The following FIG4 variants were observed in gnomAD, a reference collection of about 807,000 sequenced individuals.
The protein encoded by FIG4 is polyphosphoinositide phosphatase.
Under a neutral mutation model 118.6 loss-of-function variants are expected in FIG4, and 112 were observed. That is an observed-to-expected ratio of 0.94 (90% CI 0.81 to 1.11). The LOEUF (loss-of-function observed/expected upper bound fraction) is 1.11. Ranked by LOEUF, FIG4 falls within the 50% of genes least tolerant of loss-of-function variation. The pLI is 0.00. For missense variants in FIG4, 969 were observed against 1,111.7 expected, an observed-to-expected ratio of 0.87 and a Z score of 1.83; for synonymous variants, 369 against 381.2, an observed-to-expected ratio of 0.97 and a Z score of 0.37.
At chr6:109,701,668 A>C (rs1189640751) in intron 1 of FIG4, 1 of 471,026 alleles carries the variant, frequency 2.1e-6, no homozygotes, top group East Asian at 6.9e-5. Flanking sequence ...AAAGGATTTA[A>C]GGAAGCTCCC....
At chr6:109,767,573 G>T (rs1000524774) in intron 15 of FIG4, among the ~76,000 whole-genome samples, 1 of 152,160 alleles carries the variant, frequency 6.6e-6, no homozygotes, top group Non-Finnish European at 1.5e-5. Context: ...GAGAAGATTA[G>T]TAAAGAGGTC....
At position 109,743,546 on chromosome 6, in the gene FIG4, A is replaced by ACTT. The variant is rs1776389687; in HGVS notation, c.1040-129_1040-128insCTT. 4.0e-6 allele frequency: 3 copies of ACTT among 749,284 alleles called. No individual in the cohort carries two copies. In the South Asian group the frequency reaches 4.4e-5, roughly 11 times the overall value. The allele number at this position is 749,284 out of a possible 1,614,324, so 46.4% of individuals were successfully genotyped here. ...ATAAGTGTCTAGTGAGCATCTTAAG[A>ACTT]AGGATTTGGGAAGTGAAACTATTGA... On this transcript the variant is annotated intron_variant, in intron 9 of 22. Transcript: ENST00000230124.
intron 10 of FIG4, among the ~76,000 whole-genome samples, chr6:109,751,235 T>C (rs1027190835): frequency 2.6e-5 from 4 of 152,204 alleles, no homozygotes; most frequent in Non-Finnish European, 4.4e-5. Flanking sequence ...ATAATGAAAA[T>C]GGCAAATTTT....
At chr6:109,800,997 G>A (rs868602614) in intron 22 of FIG4, among the ~76,000 whole-genome samples, 4 of 152,174 alleles carry the variant, frequency 2.6e-5, no homozygotes, top group African/African-American at 4.8e-5. Flanking sequence ...CACTATATTC[G>A]TGCAAGACCA....
intron 1 of FIG4, among the ~76,000 whole-genome samples, chr6:109,712,942 C>T (rs566312388): frequency 5.9e-5 from 9 of 151,838 alleles, no homozygotes; most frequent in East Asian, 5.8e-4. Flanking sequence ...CTTAAGGGTT[C>T]GATTGTGGGA....
At chr6:109,787,666 C>A (rs753482497) in intron 18 of FIG4, among the ~76,000 whole-genome samples, 10 of 152,126 alleles carry the variant, frequency 6.6e-5, no homozygotes, top group Non-Finnish European at 1.5e-4. Context: ...GTCATAGTTT[C>A]CAAGAACCTA....
intron 16 of FIG4, among the ~76,000 whole-genome samples, chr6:109,782,545 A>AT (rs912718531): frequency 2.6e-5 from 4 of 152,140 alleles, no homozygotes; most frequent in Non-Finnish European, 4.4e-5. Context: ...GTTAAAACAC[A>AT]TTTTTTGTAA....
intron 22 of FIG4, among the ~76,000 whole-genome samples, chr6:109,809,738 A>G (rs1407610175): frequency 6.6e-6 from 1 of 152,178 alleles, no homozygotes; most frequent in Non-Finnish European, 1.5e-5. Flanking sequence ...CTCTTTTTAA[A>G]GGGTTCTATC....
chr6:109,786,364 A>G lies in FIG4; in HGVS notation c.2011A>G (p.Ile671Val), dbSNP rs1554307877. Reference sequence around the variant, plus strand: ...GAAATTCCACAAATATGAAGAAGAGATTGATATCCACAATGAGTTCTTTCG... The same window carrying G: ...GAAATTCCACAAATATGAAGAAGAGGTTGATATCCACAATGAGTTCTTTCG... ...VKKFHKYEEE[I>V]DIHNEFFRPY... Residue 671 changes from isoleucine to valine, a missense_variant, in exon 18 of 23, where the codon ATT (isoleucine) becomes GTT (valine). Ile to Val is a conservative substitution (Grantham distance 29). Around this residue, in one of 3 missense-constraint regions of FIG4, gnomAD observed 330 missense variants for 348.1 expected, o/e 0.95. Coordinates refer to ENST00000230124, the MANE Select transcript of FIG4 (RefSeq NM_014845.6). 6.2e-7 allele frequency: 1 copy of G among 1,613,814 alleles called. No individual in the cohort carries two copies. The highest frequency in any genetic ancestry group is 8.5e-7 in the Non-Finnish European group (1 of 1,179,682).
At chr6:109,772,623 T>G (rs995433251) in intron 15 of FIG4, among the ~76,000 whole-genome samples, 1 of 151,976 alleles carries the variant, frequency 6.6e-6, no homozygotes, top group Non-Finnish European at 1.5e-5. Flanking sequence ...CCTGGCTGAT[T>G]TTTATTTTTA....
intron 8 of FIG4, among the ~76,000 whole-genome samples, chr6:109,742,327 A>G (rs1215430743): frequency 6.6e-6 from 1 of 152,036 alleles, no homozygotes; most frequent in African/African-American, 2.4e-5. Flanking sequence ...TTTTCTGTTC[A>G]TCGCTAGGAA....
intron 10 of FIG4, among the ~76,000 whole-genome samples, chr6:109,752,922 T>C (rs1194280339): frequency 1.3e-5 from 2 of 152,220 alleles, no homozygotes; most frequent in Non-Finnish European, 2.9e-5. Context: ...CCCATGCCTA[T>C]GTCCTGAATG....
chr6:109,728,713 G>A (rs138411186), intron 4 of FIG4, among the ~76,000 whole-genome samples: 3 of 152,222 alleles, frequency 2.0e-5, no homozygotes, highest in African/African-American at 7.2e-5. Flanking sequence ...CCTTTGTCTT[G>A]CACTAACTGA....
intron 22 of FIG4, among the ~76,000 whole-genome samples, chr6:109,802,256 T>G (rs1410335060): frequency 6.6e-6 from 1 of 152,208 alleles, no homozygotes; most frequent in Non-Finnish European, 1.5e-5. Flanking sequence ...ATTTTTGCCT[T>G]CCTTTCGCTT....
intron 10 of FIG4, among the ~76,000 whole-genome samples, chr6:109,757,847 C>T (rs144599336): frequency 1.1e-3 from 161 of 152,298 alleles, no homozygotes; most frequent in African/African-American, 3.8e-3. Flanking sequence ...CATGAATGAA[C>T]TCCCATTCAG....
At chr6:109,734,500 AC>A (rs143007013) in intron 5 of FIG4, among the ~76,000 whole-genome samples, 10,641 of 150,584 alleles carry the variant, frequency 0.071, 551 homozygotes, top group Non-Finnish European at 0.12. Context: ...ATATATAGAT[AC>A]TTTTAAAATA....
chr6:109,732,941 A>G (rs534383201), intron 5 of FIG4, among the ~76,000 whole-genome samples: 1 of 152,256 alleles, frequency 6.6e-6, no homozygotes, highest in South Asian at 2.1e-4. Context: ...AATGTATTTT[A>G]AAGAAATATT....
In FIG4 at chr6:109,727,267, T is replaced by C. The variant is rs1775850515; in HGVS notation, c.446+2T>C. On this transcript the variant is annotated splice_donor_variant, in intron 4 of 22. Transcript: ENST00000230124. LOFTEE classifies it high-confidence loss of function. ...GGTTACTCATCCTGATGAAGCTAGG[T>C]ATGTATGGTGGTAACTACCTTTTTT... 1.9e-6 allele frequency: 3 copies of C among 1,603,312 alleles called. No individual in the cohort carries two copies. The highest frequency in any genetic ancestry group is 2.5e-6 in the Non-Finnish European group (3 of 1,176,968).
intron 22 of FIG4, among the ~76,000 whole-genome samples, chr6:109,822,531 T>C (rs1285542489): frequency 6.6e-6 from 1 of 152,062 alleles, no homozygotes; most frequent in Non-Finnish European, 1.5e-5. Context: ...GTGTATTTCA[T>C]TGATCTTTGC....
Sources: gnomAD v4.1 joint callset for allele counts (sites outside exome capture counted in the v4.1 genomes callset) on GRCh38, gnomAD v4.1.1 for gene constraint, gnomAD v4.1.1 regional missense constraint, MANE v1.5 for transcripts, NCBI Gene and HGNC (gene_info 2026-07-23, HGNC 2026-07-21) for gene names.